The following SYT1 variants were observed in gnomAD, a reference collection of about 807,000 sequenced individuals.
SYT1 encodes the protein synaptotagmin-1.
In SYT1, 8 loss-of-function variants were observed where a neutral mutation model predicts 44.8. The observed-to-expected ratio is 0.18, with a 90% CI of 0.10 to 0.32. SYT1 has a LOEUF of 0.32. Among genes scored for constraint, SYT1 ranks in the 10% least tolerant of loss-of-function variants. The pLI is 1.00. For missense variants in SYT1, 286 were observed against 509.3 expected (o/e 0.56, Z 4.22); for synonymous variants, 154 against 188.8 (o/e 0.82, Z 1.51).
At chr12:79,219,864 T>C (rs558131358) in intron 4 of SYT1, among the ~76,000 whole-genome samples, 2 of 152,096 alleles carry the variant, frequency 1.3e-5, no homozygotes, top group Non-Finnish European at 2.9e-5. Context: ...TGTGGTTCCA[T>C]ACAAATTTTT....
At chr12:78,893,252 T>A (rs534060592) in intron 1 of SYT1, among the ~76,000 whole-genome samples, 40 of 151,966 alleles carry the variant, frequency 2.6e-4, no homozygotes, top group African/African-American at 7.9e-4. Context: ...TTAATTTTTT[T>A]AAAATTTCCA....
chr12:79,224,609 G>A (rs909911675), intron 4 of SYT1, among the ~76,000 whole-genome samples: 8 of 152,038 alleles, frequency 5.3e-5, no homozygotes, highest in Admixed American at 1.3e-4. Context: ...TGTAGCAGAA[G>A]CCATGTCATG....
At chr12:79,098,114 CTTCAT>C (rs1304720151) in intron 3 of SYT1, among the ~76,000 whole-genome samples, 1 of 152,040 alleles carries the variant, frequency 6.6e-6, no homozygotes. Flanking sequence ...GTTTCACATT[CTTCAT>C]TTCATTTTAT....
chr12:79,309,291 G>T (rs1343641016), intron 8 of SYT1, among the ~76,000 whole-genome samples: 4 of 152,206 alleles, frequency 2.6e-5, no homozygotes, highest in African/African-American at 7.2e-5. Context: ...CTTACTGATA[G>T]CAGTTATTCA....
chr12:79,337,177 ATTAT>A (rs1882130075), intron 8 of SYT1, among the ~76,000 whole-genome samples: 1 of 152,180 alleles, frequency 6.6e-6, no homozygotes, highest in African/African-American at 2.4e-5. Context: ...CAAAGAAGAT[ATTAT>A]TTATCCATTT....
At chr12:78,948,540 G>A (rs1480026192) in intron 1 of SYT1, among the ~76,000 whole-genome samples, 1 of 151,840 alleles carries the variant, frequency 6.6e-6, no homozygotes, top group Non-Finnish European at 1.5e-5. Context: ...ATAAAATGAA[G>A]CCATATTCAT....
chr12:78,894,965 C>T lies in SYT1; in HGVS notation c.-217+29856C>T, dbSNP rs1416721369. ...GTGAGGTAATGCATATGTTTATTAG[C>T]TTGATTTAGCCATTCCACAATATAT... On this transcript the variant is annotated intron_variant, in intron 1 of 10. Transcript: ENST00000261205. Among the ~76,000 whole-genome samples the T allele has an allele frequency of 4.0e-5, 6 of 151,584 alleles. No individual in the cohort carries two copies. The Admixed American group carries it at 4.0e-4, about 10-fold the overall frequency.
intron 1 of SYT1, among the ~76,000 whole-genome samples, chr12:78,899,418 C>G: frequency 6.6e-6 from 1 of 151,740 alleles, no homozygotes; most frequent in East Asian, 1.9e-4. Context: ...CAAAAATATA[C>G]ATAATATTCT....
intron 3 of SYT1, among the ~76,000 whole-genome samples, chr12:79,075,555 A>G (rs897905918): frequency 1.3e-5 from 2 of 152,164 alleles, no homozygotes; most frequent in South Asian, 2.1e-4. Context: ...ATGCTTTAAC[A>G]TTTATATTCT....
intron 4 of SYT1, among the ~76,000 whole-genome samples, chr12:79,250,033 T>C (rs980040406): frequency 6.6e-6 from 1 of 152,186 alleles, no homozygotes; most frequent in African/African-American, 2.4e-5. Context: ...ACTTGAATCA[T>C]CTTAATTAAT....
At chr12:79,159,299 G>T (rs2138298018) in intron 3 of SYT1, among the ~76,000 whole-genome samples, 1 of 152,284 alleles carries the variant, frequency 6.6e-6, no homozygotes, top group East Asian at 1.9e-4. Flanking sequence ...TGTTTTCTAA[G>T]ACTTATCCTG....
chr12:79,364,966 A>T (rs1883480572), intron 9 of SYT1, among the ~76,000 whole-genome samples: 1 of 152,150 alleles, frequency 6.6e-6, no homozygotes, highest in Non-Finnish European at 1.5e-5. Context: ...CTGTGTTTAA[A>T]TATTTATCTA....
chr12:79,362,960 A>G (rs1163283693), intron 9 of SYT1, among the ~76,000 whole-genome samples: 2 of 151,578 alleles, frequency 1.3e-5, no homozygotes, highest in African/African-American at 4.9e-5. Flanking sequence ...TTATAGGCTT[A>G]CAAGGAGACA....
chr12:79,389,597 A>G (rs1254498063), intron 9 of SYT1, among the ~76,000 whole-genome samples: 2 of 152,186 alleles, frequency 1.3e-5, no homozygotes, highest in African/African-American at 4.8e-5. Flanking sequence ...TTGTAAGTGG[A>G]GCTAGAATTC....
intron 2 of SYT1, among the ~76,000 whole-genome samples, chr12:79,044,266 G>A (rs993485093): frequency 6.6e-6 from 1 of 152,132 alleles, no homozygotes; most frequent in Non-Finnish European, 1.5e-5. Context: ...AGGTACACCA[G>A]TCAGACGTAG....
intron 4 of SYT1, among the ~76,000 whole-genome samples, chr12:79,246,289 CCTCT>C (rs1268501148): frequency 6.6e-6 from 1 of 152,074 alleles, no homozygotes; most frequent in Non-Finnish European, 1.5e-5. Flanking sequence ...ATTCACGTTG[CCTCT>C]CTTTCACCCA....
At chr12:78,969,930 T>C (rs1868336373) in intron 1 of SYT1, among the ~76,000 whole-genome samples, 1 of 152,194 alleles carries the variant, frequency 6.6e-6, no homozygotes, top group Admixed American at 6.5e-5. Flanking sequence ...CTCTTTCTAC[T>C]AGTACTTTCT....
intron 3 of SYT1, among the ~76,000 whole-genome samples, chr12:79,203,629 GA>G (rs1366789939): frequency 1.3e-5 from 2 of 150,484 alleles, no homozygotes; most frequent in Non-Finnish European, 3.0e-5. Context: ...GTACTTGTCA[GA>G]AAAAAAAAGT....
intron 4 of SYT1, among the ~76,000 whole-genome samples, chr12:79,254,762 C>T (rs1877422388): frequency 6.6e-6 from 1 of 152,034 alleles, no homozygotes; most frequent in Non-Finnish European, 1.5e-5. Context: ...GATTCCAATC[C>T]TTATGGATGA....
Sources: gnomAD v4.1 joint callset for allele counts (sites outside exome capture counted in the v4.1 genomes callset) on GRCh38, gnomAD v4.1.1 for gene constraint, MANE v1.5 for transcripts, NCBI Gene and HGNC (gene_info 2026-07-23, HGNC 2026-07-21) for gene names.